The following KIF5B variants were observed in gnomAD, a reference collection of about 807,000 sequenced individuals.
The protein encoded by KIF5B is kinesin-1 heavy chain.
Under a neutral mutation model 132.8 loss-of-function variants are expected in KIF5B, and 49 were observed. That is an observed-to-expected ratio of 0.37 (90% CI 0.29 to 0.47). The LOEUF is 0.47. KIF5B is among the 20% of genes least tolerant of loss of function. KIF5B has a pLI of 1.00. For missense variants in KIF5B, 780 were observed against 1,144.0 expected, an observed-to-expected ratio of 0.68 and a Z score of 4.59; for synonymous variants, 355 against 369.4, an observed-to-expected ratio of 0.96 and a Z score of 0.45.
At chr10:32,043,870 A>G (rs994544753) in intron 2 of KIF5B, among the ~76,000 whole-genome samples, 2 of 152,194 alleles carry the variant, frequency 1.3e-5, no homozygotes, top group East Asian at 3.8e-4. Flanking sequence ...CAACTTGCTC[A>G]TCAAATCCCT....
Position 32,030,243 on chromosome 10 carries a change from A to T in KIF5B, c.1581+830T>A, listed in dbSNP as rs1274109640. 8.5e-5 allele frequency among the ~76,000 whole-genome samples: 13 copies of T among 152,170 alleles called. No homozygotes were observed. The South Asian group carries it at 2.7e-3, about 32-fold the overall frequency. On this transcript the variant is annotated intron_variant, in intron 14 of 25. Transcript: ENST00000302418. ...AAAAATCTCCATCTAGTCGCCAGGC[A>T]CGGTGGCTCACGCCTGTAATCCCAG...
intron 2 of KIF5B, 68 bp downstream of exon 2, chr10:32,048,396 G>GT: frequency 9.8e-7 from 1 of 1,025,050 alleles, no homozygotes; most frequent in Non-Finnish European, 1.5e-6. Context: ...AGGAAGCTGA[G>GT]TAAGTAGAAA....
At chr10:32,036,067 C>T (rs1375025026) in intron 8 of KIF5B, 73 bp from the exon 9 acceptor site, 9 of 955,674 alleles carry the variant, frequency 9.4e-6, no homozygotes, top group Non-Finnish European at 1.1e-5. Context: ...CTAAAATGTT[C>T]ATATGTCATC....
At chr10:32,052,653 C>A (rs939789673) in intron 1 of KIF5B, among the ~76,000 whole-genome samples, 1 of 152,152 alleles carries the variant, frequency 6.6e-6, no homozygotes, top group African/African-American at 2.4e-5. Context: ...GTGTTTCCAG[C>A]AAGCTCATTT....
intron 2 of KIF5B, among the ~76,000 whole-genome samples, chr10:32,043,461 T>C (rs1841568848): frequency 6.6e-6 from 1 of 152,144 alleles, no homozygotes; most frequent in Non-Finnish European, 1.5e-5. Flanking sequence ...CTGTACTATA[T>C]ACTCAAGGAG....
chr10:32,032,642 A>G (rs1841416072), intron 13 of KIF5B, 64 bp downstream of exon 13: 3 of 1,251,826 alleles, frequency 2.4e-6, no homozygotes, highest in African/African-American at 1.5e-5. Flanking sequence ...GACAAAGTCA[A>G]TGGGATTCAG....
At chr10:32,023,223 T>G (rs1841288785) in intron 15 of KIF5B, among the ~76,000 whole-genome samples, 187 bp from the exon 16 acceptor site, 1 of 152,208 alleles carries the variant, frequency 6.6e-6, no homozygotes, top group South Asian at 2.1e-4. Flanking sequence ...GCTTACTTTT[T>G]GCCTTCCTTT....
chr10:32,055,443 T>A (rs211298), intron 1 of KIF5B, among the ~76,000 whole-genome samples: 148,266 of 152,266 alleles, frequency 0.97, 72,314 homozygotes, highest in Middle Eastern at 1. Context: ...CACCAGCCGA[T>A]CTTTATATTA....
chr10:32,026,535 C>CT (rs11403552), intron 15 of KIF5B, among the ~76,000 whole-genome samples: 92,670 of 135,838 alleles, frequency 0.68, 31,809 homozygotes, highest in Non-Finnish European at 0.75. Context: ...ACTGAGGATC[C>CT]TTTTTTTTTT....
intron 1 of KIF5B, among the ~76,000 whole-genome samples, chr10:32,051,224 A>G (rs1280829251): frequency 6.6e-6 from 1 of 152,164 alleles, no homozygotes; most frequent in Non-Finnish European, 1.5e-5. Context: ...ACGCCTGGCT[A>G]ATTTTTGTAT....
intron 3 of KIF5B, among the ~76,000 whole-genome samples, chr10:32,040,018 T>C (rs563640972): frequency 6.6e-6 from 1 of 152,150 alleles, no homozygotes; most frequent in Non-Finnish European, 1.5e-5. Flanking sequence ...GACAGTTATT[T>C]TGAGGAAGGA....
At chr10:32,031,560 A>G (rs11814546) in intron 13 of KIF5B, among the ~76,000 whole-genome samples, 2,537 of 152,290 alleles carry the variant, frequency 0.017, 31 homozygotes, top group Non-Finnish European at 0.026. Flanking sequence ...GGTCAGAACC[A>G]TAAGAGAGGG....
At chr10:32,051,398 T>C (rs1024779015) in intron 1 of KIF5B, among the ~76,000 whole-genome samples, 18 of 152,086 alleles carry the variant, frequency 1.2e-4, no homozygotes, top group Middle Eastern at 3.2e-3. Context: ...CCCTAAACCA[T>C]TTACCAAGAG....
At chr10:32,022,063 A>C (rs982038969) in intron 17 of KIF5B, 77 bp downstream of exon 17, 2 of 701,630 alleles carry the variant, frequency 2.9e-6, no homozygotes, top group Non-Finnish European at 5.0e-6. Flanking sequence ...TATTTCTTTC[A>C]GTGTGAATAT....
rs755138252 is a variant in KIF5B at position 32,034,648 on chromosome 10, T to C, written c.1111+42A>G. 4 of 1,447,050 alleles carry C rather than the reference T, an allele frequency of 2.8e-6. No individual in the cohort carries two copies. In the South Asian group the frequency reaches 4.6e-5, roughly 17 times the overall value. The allele number at this position is 1,447,050 out of a possible 1,614,324, so 89.6% of individuals were successfully genotyped here. A position where few individuals can be genotyped will look rare whatever the true frequency, so the allele number is the denominator to read the frequency against. ...TTTCTACGTTTCTATGCTCTAAATCTGTATTTAACAAACTGAAGATGACAA... is the reference window on the plus strand; with the variant it reads ...TTTCTACGTTTCTATGCTCTAAATCCGTATTTAACAAACTGAAGATGACAA... On this transcript the variant is annotated intron_variant, in intron 11 of 25. Transcript: ENST00000302418.
chr10:32,015,479 G>A, intron 25 of KIF5B, 30 bp downstream of exon 25: 1 of 1,476,502 alleles, frequency 6.8e-7, no homozygotes, highest in Non-Finnish European at 9.1e-7. Context: ...TCCACAAACA[G>A]ATATGAAAAG....
intron 2 of KIF5B, among the ~76,000 whole-genome samples, chr10:32,045,188 GAGA>G (rs1841593654): frequency 6.6e-6 from 1 of 152,052 alleles, no homozygotes; most frequent in Non-Finnish European, 1.5e-5. Flanking sequence ...GGATATACAA[GAGA>G]AGAGACAGAA....
chr10:32,032,661 A>C, intron 13 of KIF5B, 45 bp downstream of exon 13: 2 of 1,474,022 alleles, frequency 1.4e-6, no homozygotes, highest in Non-Finnish European at 1.9e-6. Context: ...AGAAAACAAA[A>C]CTATAAAGCT....
chr10:32,036,089 A>G (rs1420702301), intron 8 of KIF5B, 95 bp from the exon 9 acceptor site: 1 of 669,752 alleles, frequency 1.5e-6, no homozygotes, highest in East Asian at 3.0e-5. Flanking sequence ...ATAACCAGTA[A>G]AAAAGAAAAA....
Sources: gnomAD v4.1 joint callset for allele counts (sites outside exome capture counted in the v4.1 genomes callset) on GRCh38, gnomAD v4.1.1 for gene constraint, MANE v1.5 for transcripts, NCBI Gene and HGNC (gene_info 2026-07-23, HGNC 2026-07-21) for gene names.